The following ZNF627 variants were observed in gnomAD, a reference collection of about 807,000 sequenced individuals.
ZNF627 encodes zinc finger protein 627.
A neutral mutation model predicts 10.6 loss-of-function variants in ZNF627; 12 were observed. The observed-to-expected ratio is 1.13, with a 90% CI of 0.73 to 1.84. The LOEUF (loss-of-function observed/expected upper bound fraction) is 1.84. Among genes scored for constraint, ZNF627 ranks in the 40% most tolerant of loss-of-function variants. The pLI is 0.00. For synonymous variants in ZNF627, 176 were observed against 187.1 expected (o/e 0.94, Z 0.48); for missense variants, 504 against 568.4 (o/e 0.89, Z 1.15).
rs1179438613 is a variant in ZNF627, at chr19:11,618,255, C to CA, written c.*366_*367insA. 3 of 186,738 alleles carry CA rather than the reference C, an allele frequency of 1.6e-5. No individual in the cohort carries two copies. The highest frequency in any genetic ancestry group is 3.3e-5 in the Non-Finnish European group (3 of 91,562). 11.6% of individuals were successfully genotyped at this position (186,738 alleles called of 1,614,324 possible). A position where few individuals can be genotyped will look rare whatever the true frequency, so the allele number is the denominator to read the frequency against. On this transcript the variant is annotated 3_prime_UTR_variant, in exon 4 of 4. Transcript: ENST00000361113. ...AGGGAGACAGCTGTGTGAATACAGGCTGTATGGACACTTGCTTCCATCCCA... is the reference window on the plus strand; with the variant it reads ...AGGGAGACAGCTGTGTGAATACAGGCATGTATGGACACTTGCTTCCATCCCA...
Position 11,614,652 on chromosome 19 carries a change from A to G in ZNF627, c.129A>G (p.Val43=). 2.5e-6 allele frequency: 4 copies of G among 1,613,856 alleles called. No homozygotes were observed. Among genetic ancestry groups the G allele is most frequent in the Non-Finnish European group, 3.4e-6 (4 of 1,179,958 alleles). Residue 43 remains valine (V), a splice_region_variant and synonymous_variant, in exon 2 of 4, where the codon GTA becomes GTG. Coordinates refer to ENST00000361113, the MANE Select transcript of ZNF627 (RefSeq NM_145295.4). ...AAACCTTCAGGAACCTGGCTTCTGT[A>G]GGTAAGGGTGACAATATTCCTTTCC... ...MRETFRNLAS[V]GKQWEDQNIE...
At chr19:11,612,575 C>A (rs912160742) in intron 1 of ZNF627, among the ~76,000 whole-genome samples, 1 of 151,736 alleles carries the variant, frequency 6.6e-6, no homozygotes, top group African/African-American at 2.4e-5. Context: ...CAGCCCACCA[C>A]GCCCGGCTAA....
intron 1 of ZNF627, among the ~76,000 whole-genome samples, chr19:11,605,632 C>T (rs1973661440): frequency 1.3e-5 from 2 of 152,042 alleles, no homozygotes; most frequent in Admixed American, 1.3e-4. Context: ...ATGGAGGTAA[C>T]CACCCCAATG....
Position 11,614,888 on chromosome 19 carries a change from G to A in ZNF627, c.191+1G>A. On this transcript the variant is annotated splice_donor_variant, in intron 3 of 3. Coordinates refer to ENST00000361113, the MANE Select transcript of ZNF627 (RefSeq NM_145295.4). LOFTEE classifies it high-confidence loss of function. The stretch of plus-strand genomic sequence containing the variant: ...TCAAAATTCCCAGGAGAAATATAAG[G>A]TAATTTGCACTCACAAAAGAAAGTT... The A allele has an allele frequency of 6.2e-7, 1 of 1,601,372 alleles. No individual in the cohort carries two copies. Among genetic ancestry groups the A allele is most frequent in the Non-Finnish European group, 8.5e-7 (1 of 1,175,216 alleles).
intron 1 of ZNF627, among the ~76,000 whole-genome samples, chr19:11,599,456 G>A (rs929401125): frequency 3.9e-5 from 6 of 152,158 alleles, no homozygotes; most frequent in Admixed American, 6.6e-5. Context: ...CTTATCCCAA[G>A]GACAGGAAAA....
intron 3 of ZNF627, among the ~76,000 whole-genome samples, chr19:11,615,378 A>G (rs1328785996): frequency 6.6e-6 from 1 of 150,730 alleles, no homozygotes; most frequent in African/African-American, 2.4e-5. Context: ...AGGTGGGCAG[A>G]TCACGAGGTC....
intron 1 of ZNF627, among the ~76,000 whole-genome samples, chr19:11,598,864 C>G (rs1973537448): frequency 6.6e-6 from 1 of 152,120 alleles, no homozygotes; most frequent in Non-Finnish European, 1.5e-5. Flanking sequence ...TTTCTCTCTC[C>G]TAGGCACAGG....
intron 1 of ZNF627, 84 bp downstream of exon 1, chr19:11,597,714 C>T (rs1376437284): frequency 1.5e-6 from 2 of 1,292,752 alleles, no homozygotes; most frequent in Non-Finnish European, 2.0e-6. Flanking sequence ...GGGACCTAGG[C>T]CTCCCTGCGG....
At chr19:11,615,716 CTTTT>C (rs773368615) in intron 3 of ZNF627, among the ~76,000 whole-genome samples, 1 of 131,462 alleles carries the variant, frequency 7.6e-6, no homozygotes. Context: ...ATACGAATAT[CTTTT>C]TTTTTTTTTT....
intron 1 of ZNF627, among the ~76,000 whole-genome samples, chr19:11,598,135 CTCTA>C (rs1281582291): frequency 6.6e-6 from 1 of 152,148 alleles, no homozygotes; most frequent in African/African-American, 2.4e-5. Flanking sequence ...GCCTTATTTG[CTCTA>C]TCTAGGTGGA....
chr19:11,603,718 T>C (rs1033483807), intron 1 of ZNF627, among the ~76,000 whole-genome samples: 4 of 152,158 alleles, frequency 2.6e-5, no homozygotes, highest in Admixed American at 2.0e-4. Flanking sequence ...ATAAACTTTA[T>C]TTTTTAGACC....
chr19:11,606,637 G>C (rs1973680173), intron 1 of ZNF627, among the ~76,000 whole-genome samples: 1 of 152,248 alleles, frequency 6.6e-6, no homozygotes, highest in South Asian at 2.1e-4. Flanking sequence ...GGGGGCTCCA[G>C]TTCCCACATT....
In ZNF627 at chr19:11,614,516, G is replaced by T. The variant is rs760657111; in HGVS notation, c.4-11G>T. The T allele has an allele frequency of 6.2e-7, 1 of 1,613,622 alleles. No individual in the cohort carries two copies. The highest frequency in any genetic ancestry group is 1.3e-5 in the African/African-American group (1 of 74,912). On this transcript the variant is annotated splice_polypyrimidine_tract_variant and intron_variant, in intron 1 of 3. Coordinates refer to ENST00000361113, the MANE Select transcript of ZNF627 (RefSeq NM_145295.4). ...TCAACCTTCCTCCTCCACACATGGG[G>T]GATGTTTCAGGATTCAGTGGCCTTT...
At chr19:11,607,256 C>T (rs1035599569) in intron 1 of ZNF627, among the ~76,000 whole-genome samples, 4 of 152,142 alleles carry the variant, frequency 2.6e-5, no homozygotes, top group African/African-American at 9.7e-5. Flanking sequence ...CCTGCCTCAG[C>T]CTCCCGAGTA....
rs1040430996 is a variant in ZNF627 at position 11,613,945 on chromosome 19, G to C, written c.4-582G>C. ...TTTTTTTTTTTTTTTTTTTTGAGAC[G>C]GAGTCTTGCCCTGTCACCCGGTCTG... On this transcript the variant is annotated intron_variant, in intron 1 of 3. Coordinates refer to ENST00000361113, the MANE Select transcript of ZNF627 (RefSeq NM_145295.4). 2.1e-5 allele frequency among the ~76,000 whole-genome samples: 3 copies of C among 142,682 alleles called. No individual in the cohort carries two copies. In the Admixed American group the frequency reaches 2.1e-4, roughly 10 times the overall value. 93.6% of individuals were successfully genotyped at this position (142,682 alleles called of 152,430 possible).
intron 1 of ZNF627, among the ~76,000 whole-genome samples, chr19:11,610,846 T>G (rs1973761429): frequency 6.6e-6 from 1 of 152,200 alleles, no homozygotes; most frequent in South Asian, 2.1e-4. Flanking sequence ...CTGAACTCTT[T>G]GTTGAAATAT....
intron 1 of ZNF627, among the ~76,000 whole-genome samples, chr19:11,607,493 C>G (rs1973695262): frequency 6.6e-6 from 1 of 152,094 alleles, no homozygotes. Context: ...AATGTTCTGT[C>G]ACCTCTTGAA....
chr19:11,599,979 C>G (rs978534626), intron 1 of ZNF627, among the ~76,000 whole-genome samples: 19 of 152,032 alleles, frequency 1.2e-4, no homozygotes. Context: ...CTGGGTTTGT[C>G]CCCTGCAAAA....
In ZNF627 at chr19:11,615,006, G is replaced by A. The variant is rs931599866; in HGVS notation, c.191+119G>A. On this transcript the variant is annotated intron_variant, in intron 3 of 3. Coordinates refer to ENST00000361113, the MANE Select transcript of ZNF627 (RefSeq NM_145295.4). ...TCTGTCGCCAGGCTGGAGTGCAGTG[G>A]CACAATCTTGGCTCACTGCAACCTC... is the stretch of plus-strand genomic sequence containing the variant. 15 of 809,276 alleles carry A rather than the reference G, an allele frequency of 1.9e-5. No homozygotes were observed. The African/African-American group carries it at 2.5e-4, about 13-fold the overall frequency. 50.1% of individuals were successfully genotyped at this position (809,276 alleles called of 1,614,324 possible).
Sources: allele counts gnomAD v4.1 joint callset (sites outside exome capture counted in the v4.1 genomes callset), GRCh38; gene constraint gnomAD v4.1.1; transcripts MANE v1.5; gene names NCBI Gene and HGNC (gene_info 2026-07-23, HGNC 2026-07-21).